HMGN3: variants seen among roughly 807,000 people sequenced by gnomAD.
HMGN3 encodes the protein high mobility group nucleosome-binding domain-containing protein 3.
HMGN3 carries 6 observed loss-of-function variants against 18.8 expected under a neutral mutation model. The observed-to-expected ratio is 0.32, with a 90% CI of 0.18 to 0.63. The LOEUF is 0.63. Among genes scored for constraint, HMGN3 ranks in the 30% least tolerant of loss-of-function variants. The pLI is 0.79. For synonymous variants in HMGN3, 40 were observed against 36.5 expected (o/e 1.10, Z -0.35); for missense variants, 107 against 114.2 (o/e 0.94, Z 0.29).
intron 3 of HMGN3, 44 bp downstream of exon 3, chr6:79,208,503 T>G: frequency 2.7e-6 from 4 of 1,482,426 alleles, no homozygotes; most frequent in Non-Finnish European, 3.8e-6. Flanking sequence ...AAAGGGAACA[T>G]GTACTCATAA....
intron 2 of HMGN3, among the ~76,000 whole-genome samples, chr6:79,210,331 TA>T (rs1227126503): frequency 6.6e-6 from 1 of 152,154 alleles, no homozygotes; most frequent in Non-Finnish European, 1.5e-5. Flanking sequence ...CCTCAAGGAC[TA>T]TCCATGTCTC....
chr6:79,220,737 A>G (rs186273037), intron 1 of HMGN3, among the ~76,000 whole-genome samples: 21 of 152,150 alleles, frequency 1.4e-4, no homozygotes, highest in African/African-American at 4.3e-4. Flanking sequence ...GTGAGCCACC[A>G]CGCCCCACCA....
Position 79,215,537 on chromosome 6 carries a change from T to C in HMGN3, c.16-515A>G, listed in dbSNP as rs575675374. On this transcript the variant is annotated intron_variant, in intron 1 of 5. Coordinates refer to ENST00000344726, the Ensembl canonical transcript of HMGN3. ...CTGACAAATTTATCATAGATTACCA[T>C]TTTTCCATTATCAACTCCAGCATCT... Among the ~76,000 whole-genome samples, 13 of 152,312 alleles carry C rather than the reference T, an allele frequency of 8.5e-5. No individual in the cohort carries two copies. The East Asian group carries it at 1.4e-3, about 16-fold the overall frequency.
At chr6:79,225,300 T>C (rs909403017) in intron 1 of HMGN3, among the ~76,000 whole-genome samples, 1 of 152,192 alleles carries the variant, frequency 6.6e-6, no homozygotes, top group Non-Finnish European at 1.5e-5. Context: ...TTTCATTGTA[T>C]GGGGTCAAAA....
intron 2 of HMGN3, among the ~76,000 whole-genome samples, chr6:79,209,646 A>C (rs1388234658): frequency 6.6e-6 from 1 of 152,132 alleles, no homozygotes; most frequent in Non-Finnish European, 1.5e-5. Context: ...CCTAAGGGGG[A>C]CAGCAAAAAT....
At chr6:79,223,145 G>A (rs1777386701) in intron 1 of HMGN3, among the ~76,000 whole-genome samples, 1 of 152,200 alleles carries the variant, frequency 6.6e-6, no homozygotes, top group African/African-American at 2.4e-5. Context: ...TTGGGAGGCT[G>A]AGGAGGGCAG....
intron 2 of HMGN3, among the ~76,000 whole-genome samples, chr6:79,209,210 A>G (rs1776565363): frequency 6.6e-6 from 1 of 152,240 alleles, no homozygotes; most frequent in African/African-American, 2.4e-5. Flanking sequence ...CAAAGTTTAG[A>G]AAATTTACAG....
chr6:79,228,616 A>G (rs535201819), intron 1 of HMGN3, among the ~76,000 whole-genome samples: 1 of 152,376 alleles, frequency 6.6e-6, no homozygotes, highest in Admixed American at 6.5e-5. Context: ...TGAAAACATA[A>G]AAGACTGAAT....
intron 1 of HMGN3, among the ~76,000 whole-genome samples, chr6:79,218,222 G>A (rs964978589): frequency 1.3e-5 from 2 of 152,156 alleles, no homozygotes; most frequent in East Asian, 3.8e-4. Flanking sequence ...AAACAATGGG[G>A]AGTGGGGAGG....
At chr6:79,210,789 A>G (rs544032653) in intron 2 of HMGN3, among the ~76,000 whole-genome samples, 2 of 152,132 alleles carry the variant, frequency 1.3e-5, no homozygotes, top group African/African-American at 4.8e-5. Context: ...ATCATGTGAA[A>G]AGTTCCCCAG....
chr6:79,205,455 G>A (rs887628291), intron 3 of HMGN3, among the ~76,000 whole-genome samples: 12 of 152,220 alleles, frequency 7.9e-5, no homozygotes, highest in Admixed American at 4.6e-4. Flanking sequence ...GAGTTTCCCC[G>A]CACAAGCGCT....
chr6:79,210,061 A>C (rs142904388), intron 2 of HMGN3, among the ~76,000 whole-genome samples: 3 of 152,306 alleles, frequency 2.0e-5, no homozygotes, highest in African/African-American at 7.2e-5. Flanking sequence ...CAGATTCTCC[A>C]TAGGAACCAT....
At chr6:79,203,349 T>C (rs958939810) in intron 4 of HMGN3, among the ~76,000 whole-genome samples, 5 of 152,172 alleles carry the variant, frequency 3.3e-5, no homozygotes, top group African/African-American at 1.2e-4. Flanking sequence ...CCTTCGGACA[T>C]GAGGCTTCTC....
At chr6:79,234,343 T>G in intron 1 of HMGN3, 3 of 486,402 alleles carry the variant, frequency 6.2e-6, no homozygotes, top group Middle Eastern at 4.8e-4. Flanking sequence ...GAAAGTAACA[T>G]TAAGAGATCG....
chr6:79,205,072 G>C (rs188539491), intron 3 of HMGN3, among the ~76,000 whole-genome samples: 1 of 152,310 alleles, frequency 6.6e-6, no homozygotes, highest in East Asian at 1.9e-4. Flanking sequence ...GCTGGCCTCT[G>C]AGGAGGCTCT....
chr6:79,202,432 G>A lies in HMGN3; in HGVS notation c.148-43C>T, dbSNP rs761839301. The A allele has an allele frequency of 1.2e-5, 18 of 1,461,568 alleles. No individual in the cohort carries two copies. The East Asian group carries it at 1.6e-4, about 13-fold the overall frequency. 90.5% of individuals were successfully genotyped at this position (1,461,568 alleles called of 1,614,324 possible). On this transcript the variant is annotated intron_variant, in intron 4 of 5. Transcript: ENST00000344726. The stretch of plus-strand genomic sequence containing the variant: ...CACAGTGAAAGAGAATGTTAGACAC[G>A]GTGTGATGATGGCTAAAATCAATCA...
At position 79,201,739 on chromosome 6, in the gene HMGN3, A is replaced by C. The variant is rs1270169211; in HGVS notation, c.262-13T>G. The C allele has an allele frequency of 6.2e-7, 1 of 1,604,642 alleles. No homozygotes were observed. Among genetic ancestry groups the C allele is most frequent in the Non-Finnish European group, 8.5e-7 (1 of 1,175,556 alleles). On this transcript the variant is annotated splice_polypyrimidine_tract_variant and intron_variant, in intron 5 of 5. Coordinates refer to ENST00000344726, the Ensembl canonical transcript of HMGN3. ...CAGTTTTCTGTGCCTGTGAAAAAGAAAGGAAAAAAAAACATATAGTTACTA... is the reference window on the plus strand; with the variant it reads ...CAGTTTTCTGTGCCTGTGAAAAAGACAGGAAAAAAAAACATATAGTTACTA...
At chr6:79,229,020 G>C (rs977380802) in intron 1 of HMGN3, among the ~76,000 whole-genome samples, 1 of 152,236 alleles carries the variant, frequency 6.6e-6, no homozygotes, top group African/African-American at 2.4e-5. Flanking sequence ...AAATGGTGCT[G>C]AGGTAATTGG....
chr6:79,232,614 T>C (rs1044683982), intron 1 of HMGN3, among the ~76,000 whole-genome samples: 1 of 151,980 alleles, frequency 6.6e-6, no homozygotes, highest in Admixed American at 6.5e-5. Flanking sequence ...TTTTTTTTTT[T>C]TCCTTCCGTC....
Sources: allele counts gnomAD v4.1 joint callset (sites outside exome capture counted in the v4.1 genomes callset), GRCh38; gene constraint gnomAD v4.1.1; transcripts MANE v1.5; gene names NCBI Gene and HGNC (gene_info 2026-07-23, HGNC 2026-07-21).